Variants in RBFOX1 observed in about 807,000 individuals in gnomAD.
The protein encoded by RBFOX1 is RNA binding fox-1 homolog 1, also known as RNA binding protein fox-1 homolog 1.
Under a neutral mutation model 57.7 loss-of-function variants are expected in RBFOX1, and 8 were observed. That is an observed-to-expected ratio of 0.14 (90% CI 0.08 to 0.25). The LOEUF (loss-of-function observed/expected upper bound fraction) is 0.25, where lower values mean the gene tolerates loss of function less well. Ranked by LOEUF, RBFOX1 falls within the 10% of genes least tolerant of loss-of-function variation. The probability of loss-of-function intolerance (pLI) is 1.00; values close to 1 mark genes in which losing one functional copy is unlikely to be tolerated. For synonymous variants in RBFOX1, 326 were observed against 222.4 expected (o/e 1.47, Z -4.15); for missense variants, 611 against 548.5 (o/e 1.11, Z -1.14).
chr16:6,676,077 G>C (rs1448474971), intron 3 of RBFOX1, among the ~76,000 whole-genome samples: 2 of 151,828 alleles, frequency 1.3e-5, no homozygotes, highest in East Asian at 1.9e-4. Flanking sequence ...ATAGGGGTTT[G>C]GGGTTGGGGG....
intron 4 of RBFOX1, among the ~76,000 whole-genome samples, chr16:7,462,349 G>A (rs967134797): frequency 5.9e-5 from 9 of 152,178 alleles, no homozygotes; most frequent in African/African-American, 2.2e-4. Flanking sequence ...ACAAAAATTT[G>A]CCTGGTATGA....
At chr16:7,215,672 A>G (rs1036485230) in intron 4 of RBFOX1, among the ~76,000 whole-genome samples, 18 of 151,624 alleles carry the variant, frequency 1.2e-4, no homozygotes, top group Non-Finnish European at 1.0e-4. Flanking sequence ...CAGTTCCCCA[A>G]TGCTAGGCCA....
intron 4 of RBFOX1, among the ~76,000 whole-genome samples, chr16:7,106,878 T>C (rs2063681445): frequency 6.6e-6 from 1 of 152,078 alleles, no homozygotes; most frequent in Non-Finnish European, 1.5e-5. Context: ...AACAAGTATT[T>C]ATCATGCACC....
At chr16:5,684,428 A>T (rs1039794800) in intron 3 of RBFOX1, among the ~76,000 whole-genome samples, 2 of 152,140 alleles carry the variant, frequency 1.3e-5, no homozygotes, top group Non-Finnish European at 2.9e-5. Flanking sequence ...GTGACGCCAC[A>T]ATGCTCTGCA....
intron 1 of RBFOX1, among the ~76,000 whole-genome samples, chr16:5,284,070 G>C (rs927744109): frequency 6.6e-6 from 1 of 151,942 alleles, no homozygotes; most frequent in Non-Finnish European, 1.5e-5. Flanking sequence ...AATAAGTCTC[G>C]CAAGATCTGA....
At chr16:6,814,058 A>G (rs966220787) in intron 3 of RBFOX1, among the ~76,000 whole-genome samples, 1 of 152,142 alleles carries the variant, frequency 6.6e-6, no homozygotes, top group Non-Finnish European at 1.5e-5. Flanking sequence ...CTTGTCCTGG[A>G]GTGAAAAGCA....
intron 4 of RBFOX1, among the ~76,000 whole-genome samples, chr16:5,888,843 C>G: frequency 6.8e-6 from 1 of 147,546 alleles, no homozygotes; most frequent in African/African-American, 2.5e-5. Context: ...TAAAAGAAAC[C>G]TGAATGAAGG....
intron 2 of RBFOX1, among the ~76,000 whole-genome samples, chr16:5,597,105 G>T (rs1456808280): frequency 6.6e-6 from 1 of 152,208 alleles, no homozygotes; most frequent in Admixed American, 6.5e-5. Flanking sequence ...CTCTGTGGGT[G>T]GGTCTGAGTA....
At position 7,402,467 on chromosome 16, in the gene RBFOX1, T is replaced by A. The variant is rs2098261160; in HGVS notation, c.28-115680T>A. 2.6e-5 allele frequency among the ~76,000 whole-genome samples: 4 copies of A among 152,222 alleles called. No homozygotes were observed. The South Asian group carries it at 8.3e-4, about 32-fold the overall frequency. ...TAATAGTATCCCATCCTCTTGCATTTGAGAATTTCTGCCGAGAGATAGGAG... is the reference window on the plus strand; with the variant it reads ...TAATAGTATCCCATCCTCTTGCATTAGAGAATTTCTGCCGAGAGATAGGAG... On this transcript the variant is annotated intron_variant, in intron 4 of 15. Transcript: ENST00000550418.
At chr16:5,688,871 G>C (rs2050585006) in intron 3 of RBFOX1, among the ~76,000 whole-genome samples, 1 of 152,174 alleles carries the variant, frequency 6.6e-6, no homozygotes, top group Admixed American at 6.5e-5. Context: ...CTCTTCTACT[G>C]CCTCTCATCT....
chr16:5,389,281 C>T (rs1038882770), intron 1 of RBFOX1, among the ~76,000 whole-genome samples: 2 of 152,214 alleles, frequency 1.3e-5, no homozygotes, highest in South Asian at 2.1e-4. Context: ...TGGAAATCCT[C>T]GTTCTCAGCT....
At chr16:6,336,003 C>T (rs1379555607) in intron 2 of RBFOX1, among the ~76,000 whole-genome samples, 1 of 149,522 alleles carries the variant, frequency 6.7e-6, no homozygotes, top group African/African-American at 2.4e-5. Flanking sequence ...GGAATCAAGC[C>T]TCCATCTTTG....
chr16:5,263,917 G>C (rs2062796965), intron 1 of RBFOX1, among the ~76,000 whole-genome samples: 1 of 152,210 alleles, frequency 6.6e-6, no homozygotes, highest in Non-Finnish European at 1.5e-5. Flanking sequence ...TTATTTAGTG[G>C]AACTACCATA....
chr16:6,806,836 A>ATATATATATATATTTTTT (rs754342591), intron 3 of RBFOX1, among the ~76,000 whole-genome samples: 12 of 91,874 alleles, frequency 1.3e-4, no homozygotes, highest in African/African-American at 4.9e-4. Context: ...ATATATATAT[A>ATATATATATATATTTTTT]TTTTTTTTTT....
intron 3 of RBFOX1, among the ~76,000 whole-genome samples, chr16:6,656,886 T>TCCTCTCCTCC (rs1370477948): frequency 6.8e-6 from 1 of 147,698 alleles, no homozygotes; most frequent in Non-Finnish European, 1.5e-5. Context: ...TCCTCTCCTC[T>TCCTCTCCTCC]CCTCTCCTCC....
intron 14 of RBFOX1, among the ~76,000 whole-genome samples, chr16:7,702,608 T>A (rs2081120770): frequency 6.6e-6 from 1 of 152,200 alleles, no homozygotes; most frequent in Non-Finnish European, 1.5e-5. Flanking sequence ...GCTGCAGAAC[T>A]CAGAAGCCAT....
In RBFOX1 at chr16:6,135,921, A is replaced by C. The variant is rs201838673; in HGVS notation, c.-127+115929A>C. 6.2e-5 allele frequency among the ~76,000 whole-genome samples: 9 copies of C among 145,372 alleles called. No individual in the cohort carries two copies. The East Asian group carries it at 1.7e-3, about 27-fold the overall frequency. ...GTGATTCTCCTGCCTCAGCCTCCCC[A>C]GTAGCTGGGAGTATAGGTGCCCGCC... On this transcript the variant is annotated intron_variant, in intron 1 of 15. Transcript: ENST00000550418.
chr16:6,886,970 G>GA (rs56846059), intron 3 of RBFOX1, among the ~76,000 whole-genome samples: 1 of 151,604 alleles, frequency 6.6e-6, no homozygotes, highest in Non-Finnish European at 1.5e-5. Context: ...AACACAAAAT[G>GA]AAAAAAAATG....
At chr16:5,340,771 G>T (rs977027145) in intron 1 of RBFOX1, among the ~76,000 whole-genome samples, 1 of 152,186 alleles carries the variant, frequency 6.6e-6, no homozygotes, top group Non-Finnish European at 1.5e-5. Context: ...TGGAGACACC[G>T]TGATGAATAC....
Sources: allele counts gnomAD v4.1 joint callset (sites outside exome capture counted in the v4.1 genomes callset), GRCh38; gene constraint gnomAD v4.1.1; transcripts MANE v1.5; gene names NCBI Gene and HGNC (gene_info 2026-07-23, HGNC 2026-07-21).